Variants in KANSL3 observed in about 807,000 individuals in gnomAD.
The protein encoded by KANSL3 is NSL complex protein NSL3.
A neutral mutation model predicts 89.2 loss-of-function variants in KANSL3; 16 were observed. The ratio of observed to expected loss-of-function variants is 0.18; its 90% CI spans 0.12 to 0.27. The LOEUF is 0.27. Ranked by LOEUF, KANSL3 falls within the 10% of genes least tolerant of loss-of-function variation. The pLI is 1.00. For synonymous variants in KANSL3, 385 were observed against 419.7 expected, an observed-to-expected ratio of 0.92 and a Z score of 1.01; for missense variants, 879 against 1,110.6, an observed-to-expected ratio of 0.79 and a Z score of 2.96.
At chr2:96,586,685 G>C in the KANSL3 span, among the ~76,000 whole-genome samples, 1 of 152,188 alleles carries the variant, frequency 6.6e-6, no homozygotes, top group South Asian at 2.1e-4. Flanking sequence ...GCTATCCACA[G>C]GCCTGATCAT....
intron 3 of KANSL3, among the ~76,000 whole-genome samples, chr2:96,622,027 T>G (rs550197901): frequency 6.6e-6 from 1 of 151,960 alleles, no homozygotes; most frequent in East Asian, 1.9e-4. Context: ...GGCAAAAGAA[T>G]TGCTTGAACC....
At position 96,601,728 on chromosome 2, in the gene KANSL3, C is replaced by T. The variant is rs759590519; in HGVS notation, c.2531G>A (p.Ser844Asn). 1 of 1,600,042 alleles carries T rather than the reference C, an allele frequency of 6.2e-7. No homozygotes were observed. Among genetic ancestry groups the T allele is most frequent in the African/African-American group, 1.3e-5 (1 of 74,220 alleles). ...CATAGGGCTCAGTGTAGTGATCCTGCTCGGCTGGCCACGAAGTGTCAGAGT... is the reference window on the plus strand; with the variant it reads ...CATAGGGCTCAGTGTAGTGATCCTGTTCGGCTGGCCACGAAGTGTCAGAGT... ...TITLTLRGQP[S>N]RITTLSPMGS... is the part of the protein sequence containing the mutation. The change falls in exon 20 of 21, where the codon AGC (serine) becomes AAC (asparagine). Residue 844 changes from serine to asparagine, a missense_variant. Around this residue, in one of 6 missense-constraint regions of KANSL3, gnomAD observed 61 missense variants for 61.7 expected, o/e 0.99. Coordinates refer to ENST00000431828, the MANE Select transcript of KANSL3 (RefSeq NM_001115016.3).
chr2:96,581,081 T>C, the KANSL3 span, among the ~76,000 whole-genome samples: 1 of 152,228 alleles, frequency 6.6e-6, no homozygotes, highest in African/African-American at 2.4e-5. Context: ...TTGAGGAGGA[T>C]GCCTGAGAAG....
chr2:96,619,603 G>T, intron 4 of KANSL3, 59 bp from the exon 5 acceptor site: 2 of 1,606,408 alleles, frequency 1.2e-6, no homozygotes, highest in African/African-American at 1.3e-5. Flanking sequence ...CAAGCAGGGG[G>T]ACAAGTCAGT....
At chr2:96,623,347 C>A (rs1447675682) in intron 3 of KANSL3, among the ~76,000 whole-genome samples, 4 of 152,186 alleles carry the variant, frequency 2.6e-5, no homozygotes, top group Non-Finnish European at 5.9e-5. Context: ...GAAACATCAA[C>A]AATCTCAATT....
intron 20 of KANSL3, chr2:96,600,890 A>G (rs1229888216): frequency 2.0e-6 from 2 of 985,344 alleles, no homozygotes; most frequent in African/African-American, 3.5e-5. Context: ...TGTCAAAGAA[A>G]GAGTATTATA....
At chr2:96,635,760 G>T (rs181466334) in intron 2 of KANSL3, among the ~76,000 whole-genome samples, 1 of 152,328 alleles carries the variant, frequency 6.6e-6, no homozygotes, top group African/African-American at 2.4e-5. Context: ...AGGCCGAGGC[G>T]GGTGGATTGC....
In KANSL3 at chr2:96,601,747, T is replaced by C. The variant is rs1452130877; in HGVS notation, c.2512A>G (p.Thr838Ala). The C allele has an allele frequency of 1.9e-6, 3 of 1,589,706 alleles. No individual in the cohort carries two copies. Among genetic ancestry groups the C allele is most frequent in the Non-Finnish European group, 1.7e-6 (2 of 1,170,522 alleles). The change falls in exon 20 of 21, where the codon ACA (threonine) becomes GCA (alanine). Residue 838 changes from threonine to alanine, a missense_variant. Coordinates refer to ENST00000431828, the MANE Select transcript of KANSL3 (RefSeq NM_001115016.3). Reference sequence around the variant, plus strand: ...ATCCTGCTCGGCTGGCCACGAAGTGTCAGAGTAATGGTGGTGGGGACCTTC... The same window carrying C: ...ATCCTGCTCGGCTGGCCACGAAGTGCCAGAGTAATGGTGGTGGGGACCTTC... ...GLKVPTTITL[T>A]LRGQPSRITT...
At position 96,593,720 on chromosome 2, in the gene KANSL3, T is replaced by A. The variant is rs1236390830; in HGVS notation, c.*1891A>T. On this transcript the variant is annotated 3_prime_UTR_variant, in exon 21 of 21. Transcript: ENST00000431828. The stretch of plus-strand genomic sequence containing the variant: ...GCATACACTGAGCCAACAACTTAAG[T>A]CATGAATGGGTTGTTTAGGGCTCTG... The A allele has an allele frequency of 5.2e-6, 1 of 191,800 alleles. No homozygotes were observed. The highest frequency in any genetic ancestry group is 1.1e-5 in the Non-Finnish European group (1 of 90,974). The allele number at this position is 191,800 out of a possible 1,614,324, so 11.9% of individuals were successfully genotyped here.
the KANSL3 span, among the ~76,000 whole-genome samples, chr2:96,583,921 G>A: frequency 1.3e-5 from 2 of 152,224 alleles, no homozygotes; most frequent in Non-Finnish European, 2.9e-5. Context: ...TGAGTGTAAA[G>A]TGGTATTTTA....
chr2:96,608,280 A>G (rs1263837194), intron 14 of KANSL3, among the ~76,000 whole-genome samples: 1 of 152,250 alleles, frequency 6.6e-6, no homozygotes, highest in Non-Finnish European at 1.5e-5. Context: ...TAGCCTCCCC[A>G]GAACAGCAAG....
chr2:96,601,876 C>T, intron 19 of KANSL3, 100 bp from the exon 20 acceptor site: 1 of 1,446,884 alleles, frequency 6.9e-7, no homozygotes, highest in African/African-American at 1.4e-5. Context: ...TAACACAGTC[C>T]CTTGGCCTCC....
chr2:96,580,623 T>C, the KANSL3 span, among the ~76,000 whole-genome samples: 1 of 152,236 alleles, frequency 6.6e-6, no homozygotes, highest in African/African-American at 2.4e-5. Context: ...GTATGTTGGT[T>C]AAACAGGTGT....
chr2:96,609,910 C>A (rs894611378), intron 11 of KANSL3, among the ~76,000 whole-genome samples: 3 of 129,506 alleles, frequency 2.3e-5, no homozygotes, highest in Non-Finnish European at 4.6e-5. Flanking sequence ...GAGATTGCAC[C>A]ACTGCAGTCC....
intron 14 of KANSL3, chr2:96,606,034 C>T (rs2105232092): frequency 6.5e-6 from 1 of 152,756 alleles, no homozygotes; most frequent in South Asian, 2.1e-4. Context: ...CAAAGGCTCT[C>T]AAGAGTCCCA....
Position 96,609,033 on chromosome 2 carries a change from A to G in KANSL3, c.1415T>C (p.Leu472Pro), listed in dbSNP as rs1262773770. 6.4e-7 allele frequency: 1 copy of G among 1,563,630 alleles called. No homozygotes were observed. Among genetic ancestry groups the G allele is most frequent in the Non-Finnish European group, 8.7e-7 (1 of 1,153,720 alleles). Residue 472 changes from leucine (L) to proline (P), a missense_variant, in exon 13 of 21, where the codon CTC becomes CCC. Physicochemically the swap from Leu to Pro is moderately conservative, Grantham distance 98. Coordinates refer to ENST00000431828, the MANE Select transcript of KANSL3 (RefSeq NM_001115016.3). ...DEIVDFLTGV[L>P]TRAEGHMGSE... ...GCCCATGTGACCCTCAGCACGAGTG[A>G]GCACTCCAGTCAGAAAGTCCACAAT...
At chr2:96,624,089 CT>C (rs1047592420) in intron 3 of KANSL3, among the ~76,000 whole-genome samples, 2 of 152,240 alleles carry the variant, frequency 1.3e-5, no homozygotes, top group African/African-American at 4.8e-5. Flanking sequence ...TTCAGAGATT[CT>C]GGACTTCAAA....
intron 20 of KANSL3, among the ~76,000 whole-genome samples, chr2:96,597,137 T>TA (rs2066615194): frequency 6.6e-6 from 1 of 152,112 alleles, no homozygotes; most frequent in African/African-American, 2.4e-5. Context: ...AACCCCAAAA[T>TA]AAAAAATGAC....
At chr2:96,622,101 G>A (rs72941214) in intron 3 of KANSL3, among the ~76,000 whole-genome samples, 10,694 of 145,408 alleles carry the variant, frequency 0.074, 764 homozygotes, top group African/African-American at 0.18. Flanking sequence ...GCAACAGAGA[G>A]AGACTCCAGC....
Sources: gnomAD v4.1 joint callset for allele counts (sites outside exome capture counted in the v4.1 genomes callset) on GRCh38, gnomAD v4.1.1 for gene constraint, gnomAD v4.1.1 regional missense constraint, MANE v1.5 for transcripts, NCBI Gene and HGNC (gene_info 2026-07-23, HGNC 2026-07-21) for gene names.